Variants in PCSK1 observed in about 807,000 individuals in gnomAD.
The protein encoded by PCSK1 is proprotein convertase subtilisin/kexin type 1, also known as neuroendocrine convertase 1.
Under a neutral mutation model 90.6 loss-of-function variants are expected in PCSK1, and 56 were observed. The observed-to-expected ratio is 0.62, with a 90% CI of 0.50 to 0.77. The LOEUF (loss-of-function observed/expected upper bound fraction) is 0.77, where lower values mean the gene tolerates loss of function less well. Ranked by LOEUF, PCSK1 falls within the 30% of genes least tolerant of loss-of-function variation. The probability of loss-of-function intolerance (pLI) is 0.00; values close to 1 mark genes in which losing one functional copy is unlikely to be tolerated. For synonymous variants in PCSK1, 348 were observed against 342.4 expected (o/e 1.02, Z -0.18); for missense variants, 801 against 932.6 (o/e 0.86, Z 1.84).
At chr5:96,414,803 C>T (rs1342319766) in intron 6 of PCSK1, among the ~76,000 whole-genome samples, 1 of 152,182 alleles carries the variant, frequency 6.6e-6, no homozygotes. Context: ...ATTTGTGCTT[C>T]TCCCTTCATT....
At chr5:96,423,491 A>C (rs1016229546) in intron 3 of PCSK1, 32 bp from the exon 4 acceptor site, 1 of 1,610,544 alleles carries the variant, frequency 6.2e-7, no homozygotes, top group Non-Finnish European at 8.5e-7. Flanking sequence ...GCATTGATAA[A>C]ATTATCATTT....
intron 12 of PCSK1, among the ~76,000 whole-genome samples, chr5:96,396,561 CAAAA>C (rs368951852): frequency 1.4e-4 from 17 of 122,456 alleles, no homozygotes; most frequent in African/African-American, 4.5e-4. Context: ...GACTCCGTCT[CAAAA>C]AAAAAAAAAA....
At chr5:96,393,644 G>T (rs1040332488) in intron 13 of PCSK1, among the ~76,000 whole-genome samples, 1 of 152,166 alleles carries the variant, frequency 6.6e-6, no homozygotes, top group African/African-American at 2.4e-5. Context: ...TGGTTTTGAA[G>T]ACTAGATGAG....
At chr5:96,427,186 A>G (rs1290957873) in intron 2 of PCSK1, among the ~76,000 whole-genome samples, 3 of 152,228 alleles carry the variant, frequency 2.0e-5, no homozygotes, top group Non-Finnish European at 2.9e-5. Context: ...CCATCAAAAA[A>G]GAGCAATAAA....
chr5:96,430,395 G>T (rs944323506), intron 1 of PCSK1, among the ~76,000 whole-genome samples: 10 of 152,180 alleles, frequency 6.6e-5, no homozygotes, highest in Non-Finnish European at 2.9e-5. Context: ...ATCGCCCAGA[G>T]AATTTTAAAA....
At chr5:96,398,553 A>G (rs1354487707) in intron 11 of PCSK1, among the ~76,000 whole-genome samples, 1 of 152,226 alleles carries the variant, frequency 6.6e-6, no homozygotes, top group Non-Finnish European at 1.5e-5. Flanking sequence ...TTATCAGAGT[A>G]ACTTTCACTA....
At chr5:96,431,744 T>A (rs1223169930) in intron 1 of PCSK1, among the ~76,000 whole-genome samples, 1 of 152,120 alleles carries the variant, frequency 6.6e-6, no homozygotes, top group Non-Finnish European at 1.5e-5. Flanking sequence ...GTCTACAGAA[T>A]CGCCAACGCC....
In PCSK1 at chr5:96,414,004, T is replaced by C. The variant is rs1580758254; in HGVS notation, c.710-1514A>G. 5.3e-5 allele frequency among the ~76,000 whole-genome samples: 7 copies of C among 131,244 alleles called. No individual in the cohort carries two copies. The South Asian group carries it at 1.8e-3, about 33-fold the overall frequency. The allele number at this position is 131,244 out of a possible 152,430, so 86.1% of individuals were successfully genotyped here. A position where few individuals can be genotyped will look rare whatever the true frequency, so the allele number is the denominator to read the frequency against. On this transcript the variant is annotated intron_variant, in intron 6 of 13. Transcript: ENST00000311106. ...AAAAAAAAAAATTAGCCGGGCGTAG[T>C]GGCGGGTTCCTGTAGTCCTAGCTAC...
chr5:96,431,467 C>T (rs556520347), intron 1 of PCSK1, among the ~76,000 whole-genome samples: 1 of 152,270 alleles, frequency 6.6e-6, no homozygotes, highest in African/African-American at 2.4e-5. Flanking sequence ...AAATTACAAT[C>T]AGTTGCAATC....
chr5:96,425,033 AAAGAAAG>A (rs1761252099), intron 3 of PCSK1, among the ~76,000 whole-genome samples: 2 of 102,226 alleles, frequency 2.0e-5, no homozygotes, highest in Admixed American at 8.7e-5. Flanking sequence ...AGAAAGAAAG[AAAGAAAG>A]AAAGAAAGAA....
At chr5:96,417,068 A>T (rs1380165049) in intron 5 of PCSK1, among the ~76,000 whole-genome samples, 1 of 152,192 alleles carries the variant, frequency 6.6e-6, no homozygotes, top group East Asian at 1.9e-4. Context: ...ATATACCAAC[A>T]TAGAGTGAAA....
In PCSK1 at chr5:96,431,508, C is replaced by T. The variant is rs1307539600; in HGVS notation, c.180+1355G>A. 4.6e-5 allele frequency among the ~76,000 whole-genome samples: 7 copies of T among 152,156 alleles called. No homozygotes were observed. The East Asian group carries it at 1.3e-3, about 29-fold the overall frequency. ...TCTCTAAGCTAGTCTCCTCTAGATT[C>T]TTGATTACTTGAGAGCGTTTCTTTC... On this transcript the variant is annotated intron_variant, in intron 1 of 13. Transcript: ENST00000311106.
Position 96,429,251 on chromosome 5 carries a change from C to T in PCSK1, c.247G>A (p.Ala83Thr). The change falls in exon 2 of 14, where the codon GCC becomes ACC. Residue 83 changes from alanine (A) to threonine (T), a missense_variant. Transcript: ENST00000311106. ...KNHPRRSRRS[A>T]FHITKRLSDD... ...GATAATCTCTTAGTGATATGAAAGGCACTCCTTCGAGACCTTCTGGGGTGG... is the reference window on the plus strand; with the variant it reads ...GATAATCTCTTAGTGATATGAAAGGTACTCCTTCGAGACCTTCTGGGGTGG... 6.2e-7 allele frequency: 1 copy of T among 1,600,728 alleles called. No homozygotes were observed. The highest frequency in any genetic ancestry group is 8.6e-7 in the Non-Finnish European group (1 of 1,168,032).
intron 5 of PCSK1, among the ~76,000 whole-genome samples, chr5:96,416,859 A>G (rs1760952934): frequency 6.6e-6 from 1 of 152,218 alleles, no homozygotes; most frequent in South Asian, 2.1e-4. Context: ...CGTCTTCCAA[A>G]CACCAAATTC....
intron 9 of PCSK1, among the ~76,000 whole-genome samples, chr5:96,400,816 G>A (rs535013950): frequency 6.5e-4 from 99 of 151,750 alleles, no homozygotes; most frequent in African/African-American, 2.4e-3. Flanking sequence ...GGCTGGGCGC[G>A]GTGGCTCACG....
At chr5:96,418,721 A>G (rs543104496) in intron 5 of PCSK1, among the ~76,000 whole-genome samples, 7 of 152,330 alleles carry the variant, frequency 4.6e-5, no homozygotes, top group African/African-American at 1.4e-4. Flanking sequence ...GTCTGACAAC[A>G]TGCTAGAAGG....
intron 5 of PCSK1, among the ~76,000 whole-genome samples, chr5:96,417,734 T>A (rs1296358843): frequency 6.6e-6 from 1 of 152,200 alleles, no homozygotes; most frequent in Non-Finnish European, 1.5e-5. Flanking sequence ...ACTTAATCTT[T>A]GAGTTAGGAT....
chr5:96,402,320 G>A (rs962145941), intron 9 of PCSK1, among the ~76,000 whole-genome samples: 2 of 152,196 alleles, frequency 1.3e-5, no homozygotes, highest in Non-Finnish European at 2.9e-5. Flanking sequence ...TTTGTGGCTC[G>A]CAGCCTCTGA....
In PCSK1 at chr5:96,433,123, C is replaced by T; in HGVS notation, c.-81G>A. The T allele has an allele frequency of 7.5e-7, 1 of 1,325,672 alleles. No homozygotes were observed. The highest frequency in any genetic ancestry group is 1.1e-6 in the Non-Finnish European group (1 of 920,888). The allele number at this position is 1,325,672 out of a possible 1,614,324, so 82.1% of individuals were successfully genotyped here. On this transcript the variant is annotated 5_prime_UTR_variant, in exon 1 of 14. Transcript: ENST00000311106. Reference sequence around the variant, plus strand: ...TAGGAGAAAAGCCAGACAGACTCCCCCTTCCCACCCTCGGGCTCTAGACCA... The same window carrying T: ...TAGGAGAAAAGCCAGACAGACTCCCTCTTCCCACCCTCGGGCTCTAGACCA...
Sources: gnomAD v4.1 joint callset for allele counts (sites outside exome capture counted in the v4.1 genomes callset) on GRCh38, gnomAD v4.1.1 for gene constraint, MANE v1.5 for transcripts, NCBI Gene and HGNC (gene_info 2026-07-23, HGNC 2026-07-21) for gene names.